The following VPS8 variants were observed in gnomAD, a reference collection of about 807,000 sequenced individuals.
VPS8 encodes the protein VPS8 subunit of CORVET complex, also known as vacuolar protein sorting-associated protein 8 homolog.
VPS8 carries 129 observed loss-of-function variants against 216.4 expected under a neutral mutation model. That is an observed-to-expected ratio of 0.60 (90% CI 0.52 to 0.69). The LOEUF (loss-of-function observed/expected upper bound fraction) is 0.69. VPS8 is among the 30% of genes least tolerant of loss of function. The pLI, the probability that VPS8 is intolerant of heterozygous loss-of-function variation, is 0.00. For synonymous variants in VPS8, 571 were observed against 565.4 expected, an observed-to-expected ratio of 1.01 and a Z score of -0.14; for missense variants, 1,531 against 1,683.5, an observed-to-expected ratio of 0.91 and a Z score of 1.59.
chr3:184,946,982 A>C (rs1330384196), intron 36 of VPS8, among the ~76,000 whole-genome samples: 1 of 152,136 alleles, frequency 6.6e-6, no homozygotes, highest in East Asian at 1.9e-4. Context: ...GTCTCTCTCA[A>C]GGCAGTGGCT....
intron 3 of VPS8, among the ~76,000 whole-genome samples, chr3:184,827,597 A>G (rs1719064368): frequency 6.6e-6 from 1 of 152,158 alleles, no homozygotes; most frequent in African/African-American, 2.4e-5. Flanking sequence ...GACTGTGTAT[A>G]AGGCCTTGTT....
chr3:184,993,907 C>A, intron 42 of VPS8, 76 bp from the exon 43 acceptor site: 1 of 1,210,768 alleles, frequency 8.3e-7, no homozygotes, highest in Non-Finnish European at 1.1e-6. Flanking sequence ...AAGCATTTGG[C>A]TTTTTCAGAT....
intron 43 of VPS8, 42 bp downstream of exon 43, chr3:184,994,105 G>C (rs768172207): frequency 7.3e-7 from 1 of 1,375,500 alleles, no homozygotes; most frequent in Non-Finnish European, 9.6e-7. Context: ...TCCTAAGGTA[G>C]AAAAATGCTA....
intron 5 of VPS8, among the ~76,000 whole-genome samples, chr3:184,835,688 G>T (rs1720912200): frequency 6.7e-6 from 1 of 149,460 alleles, no homozygotes; most frequent in Non-Finnish European, 1.5e-5. Flanking sequence ...AGTTGGACAA[G>T]AAATAAAAAT....
intron 29 of VPS8, among the ~76,000 whole-genome samples, chr3:184,923,431 C>A (rs1739014523): frequency 6.6e-6 from 1 of 152,156 alleles, no homozygotes; most frequent in Non-Finnish European, 1.5e-5. Flanking sequence ...ATGATCACTG[C>A]CTTACTTAAG....
intron 23 of VPS8, among the ~76,000 whole-genome samples, chr3:184,898,073 AAAT>A: frequency 6.6e-6 from 1 of 152,244 alleles, no homozygotes; most frequent in Middle Eastern, 3.4e-3. Context: ...CCACATTTGT[AAAT>A]AATGAATTAT....
chr3:185,000,129 T>C (rs1561055511), intron 45 of VPS8, among the ~76,000 whole-genome samples: 1 of 152,208 alleles, frequency 6.6e-6, no homozygotes, highest in Non-Finnish European at 1.5e-5. Context: ...TGTACACACA[T>C]GAGCCTGCTT....
intron 36 of VPS8, among the ~76,000 whole-genome samples, chr3:184,947,911 C>T (rs1743979144): frequency 6.6e-6 from 1 of 151,982 alleles, no homozygotes; most frequent in South Asian, 2.1e-4. Context: ...GATTTCAAGT[C>T]AGAAAGGTAG....
intron 24 of VPS8, among the ~76,000 whole-genome samples, chr3:184,899,644 A>G (rs1734127640): frequency 6.6e-6 from 1 of 152,050 alleles, no homozygotes; most frequent in African/African-American, 2.4e-5. Context: ...AAGGTTCAGT[A>G]GTTCCCTGAA....
At chr3:184,862,361 T>C (rs1446286242) in intron 15 of VPS8, among the ~76,000 whole-genome samples, 1 of 152,180 alleles carries the variant, frequency 6.6e-6, no homozygotes, top group Non-Finnish European at 1.5e-5. Context: ...ATAATAGTAC[T>C]TATTAAAGAA....
rs9815925 is a variant in VPS8, at chr3:185,000,113, A to G, written c.4002+252A>G. Among the ~76,000 whole-genome samples, 21,506 of 152,192 alleles carry G rather than the reference A, an allele frequency of 0.14. 2,031 individuals carry two copies. The highest frequency in any genetic ancestry group is 0.27 in the African/African-American group (11,293 of 41,490). On this transcript the variant is annotated intron_variant, in intron 45 of 47. Transcript: ENST00000625842. The stretch of plus-strand genomic sequence containing the variant: ...AACGGCTTAAGATCCAGTTGGACAG[A>G]TGAGGTGTACACACATGAGCCTGCT...
At chr3:184,944,304 T>G (rs962778436) in intron 36 of VPS8, among the ~76,000 whole-genome samples, 11 of 152,180 alleles carry the variant, frequency 7.2e-5, no homozygotes, top group Admixed American at 2.0e-4. Context: ...GAGAGGGGAT[T>G]AATCCTCCAG....
At chr3:184,969,970 C>T (rs1000937046) in intron 39 of VPS8, among the ~76,000 whole-genome samples, 2 of 129,576 alleles carry the variant, frequency 1.5e-5, no homozygotes, top group East Asian at 2.4e-4. Context: ...AGTGCAGTGG[C>T]GCTGTCTCAG....
chr3:184,902,667 T>A (rs1304756361), intron 25 of VPS8, among the ~76,000 whole-genome samples: 2 of 142,748 alleles, frequency 1.4e-5, no homozygotes, highest in African/African-American at 2.6e-5. Context: ...CTATCTCTAC[T>A]ATAAATACAA....
At chr3:184,954,654 C>T (rs980889411) in intron 36 of VPS8, among the ~76,000 whole-genome samples, 5 of 152,122 alleles carry the variant, frequency 3.3e-5, no homozygotes, top group East Asian at 1.9e-4. Flanking sequence ...TAGGACTTTC[C>T]GATAGGATTT....
intron 24 of VPS8, among the ~76,000 whole-genome samples, chr3:184,899,031 T>TAATG (rs1436271760): frequency 1.3e-5 from 2 of 152,208 alleles, no homozygotes; most frequent in Non-Finnish European, 2.9e-5. Flanking sequence ...TACTATTGAG[T>TAATG]AATGCTATTT....
intron 22 of VPS8, among the ~76,000 whole-genome samples, chr3:184,886,847 G>A (rs1331329171): frequency 6.8e-6 from 1 of 148,016 alleles, no homozygotes; most frequent in East Asian, 1.9e-4. Flanking sequence ...CTGAAGTGCT[G>A]GGAGTACAGG....
intron 39 of VPS8, among the ~76,000 whole-genome samples, chr3:184,969,230 G>A (rs999882270): frequency 2.0e-5 from 3 of 151,716 alleles, no homozygotes; most frequent in African/African-American, 7.3e-5. Context: ...CGATTCTCCT[G>A]CCTCAGCCTC....
At chr3:184,873,343 G>A (rs1159493925) in intron 21 of VPS8, among the ~76,000 whole-genome samples, 1 of 152,090 alleles carries the variant, frequency 6.6e-6, no homozygotes, top group African/African-American at 2.4e-5. Flanking sequence ...GAGAAGATGA[G>A]TGAGAAGGGG....
Sources: gnomAD v4.1 joint callset for allele counts (sites outside exome capture counted in the v4.1 genomes callset) on GRCh38, gnomAD v4.1.1 for gene constraint, MANE v1.5 for transcripts, NCBI Gene and HGNC (gene_info 2026-07-23, HGNC 2026-07-21) for gene names.